The following HPGD variants were observed in gnomAD, a reference collection of about 807,000 sequenced individuals.
HPGD encodes the protein 15-hydroxyprostaglandin dehydrogenase.
HPGD carries 29 observed loss-of-function variants against 30.0 expected under a neutral mutation model. The observed-to-expected ratio is 0.97, with a 90% CI of 0.72 to 1.32. The LOEUF (loss-of-function observed/expected upper bound fraction) is 1.32, where lower values mean the gene tolerates loss of function less well. Among genes scored for constraint, HPGD ranks in the 40% most tolerant of loss-of-function variants. HPGD has a pLI of 0.00. For missense variants in HPGD, 340 were observed against 322.1 expected (o/e 1.06, Z -0.43); for synonymous variants, 99 against 112.4 (o/e 0.88, Z 0.75).
intron 2 of HPGD, 127 bp from the exon 3 acceptor site, chr4:174,518,204 C>G: frequency 1.7e-6 from 1 of 583,626 alleles, no homozygotes. Flanking sequence ...AACTCATGGG[C>G]TGAGTGTAAT....
At chr4:174,508,896 C>T in intron 3 of HPGD, 104 bp from the exon 4 acceptor site, 1 of 747,368 alleles carries the variant, frequency 1.3e-6, no homozygotes, top group Non-Finnish European at 2.4e-6. Flanking sequence ...AGGGAGATTT[C>T]TGCAAATATT....
upstream of HPGD, chr4:174,522,558 C>T (rs1736218155): frequency 5.5e-6 from 4 of 728,406 alleles, no homozygotes; most frequent in Admixed American, 3.9e-5. Context: ...CGGGGCGCTC[C>T]CCTGCCAGTG....
At chr4:174,493,959 A>G (rs1221073386) in intron 5 of HPGD, among the ~76,000 whole-genome samples, 3 of 152,206 alleles carry the variant, frequency 2.0e-5, no homozygotes, top group African/African-American at 7.2e-5. Flanking sequence ...GTGGACATGC[A>G]CAGGGCAGTG....
At chr4:174,518,249 T>TAGA (rs1347120768) in intron 2 of HPGD, among the ~76,000 whole-genome samples, 172 bp from the exon 3 acceptor site, 1 of 152,208 alleles carries the variant, frequency 6.6e-6, no homozygotes, top group Non-Finnish European at 1.5e-5. Context: ...GTTTGTGGAC[T>TAGA]AGAAGCATCA....
intron 1 of HPGD, 30 bp from the exon 2 acceptor site, chr4:174,522,097 C>T (rs1321420072): frequency 6.2e-7 from 1 of 1,613,960 alleles, no homozygotes; most frequent in Non-Finnish European, 8.5e-7. Flanking sequence ...AATCGCGGGC[C>T]TGCGCAGCTC....
At chr4:174,500,328 G>T (rs1045999269) in intron 4 of HPGD, among the ~76,000 whole-genome samples, 4 of 152,226 alleles carry the variant, frequency 2.6e-5, no homozygotes, top group African/African-American at 9.6e-5. Flanking sequence ...AAATGGCACA[G>T]CCACTTTGGA....
Position 174,492,132 on chromosome 4 carries a change from T to A in HPGD, c.663-38A>T, listed in dbSNP as rs776403322. ...AAAACAGTATTTTGAAACGAAAGAA[T>A]GAGGCATATTACCACTTCATTTTAA... On this transcript the variant is annotated intron_variant, in intron 6 of 6. Transcript: ENST00000296522. The surrounding 1 kb of genome is among the most constrained non-coding windows in gnomAD (Gnocchi z 4.9). The A allele has an allele frequency of 6.3e-7, 1 of 1,576,874 alleles. No individual in the cohort carries two copies. The highest frequency in any genetic ancestry group is 1.1e-5 in the South Asian group (1 of 90,248).
At chr4:174,500,540 C>T (rs1377494378) in intron 4 of HPGD, among the ~76,000 whole-genome samples, 4 of 152,112 alleles carry the variant, frequency 2.6e-5, no homozygotes, top group African/African-American at 7.2e-5. Context: ...GTGGTATATT[C>T]AGATAATGGA....
upstream of HPGD, chr4:174,522,629 C>A (rs1736225690): frequency 2.0e-6 from 1 of 499,138 alleles, no homozygotes; most frequent in Non-Finnish European, 3.5e-6. Context: ...GTCACCTGCC[C>A]CCTGAGCGTT....
intron 4 of HPGD, among the ~76,000 whole-genome samples, chr4:174,498,410 T>C (rs1217633731): frequency 1.3e-5 from 2 of 152,172 alleles, no homozygotes; most frequent in East Asian, 3.9e-4. Context: ...TTTTGACATA[T>C]GTATATACCA....
chr4:174,511,229 A>G (rs1735475052), intron 3 of HPGD, among the ~76,000 whole-genome samples: 1 of 147,368 alleles, frequency 6.8e-6, no homozygotes, highest in South Asian at 2.2e-4. Context: ...AAAAAAAAAA[A>G]TGACTAGCAA....
chr4:174,502,137 C>G (rs1560979723), intron 4 of HPGD, among the ~76,000 whole-genome samples: 1 of 152,150 alleles, frequency 6.6e-6, no homozygotes, highest in Admixed American at 6.5e-5. Context: ...TTCTTTACAA[C>G]CAACAACAAC....
chr4:174,522,545 C>G (rs1025424253), upstream of HPGD: 2 of 866,928 alleles, frequency 2.3e-6, no homozygotes, highest in Admixed American at 3.8e-5. Flanking sequence ...GCGTGCAGCC[C>G]GGCGGGGCGC....
intron 3 of HPGD, among the ~76,000 whole-genome samples, chr4:174,509,910 CAA>C (rs565049366): frequency 6.7e-5 from 8 of 120,298 alleles, no homozygotes; most frequent in South Asian, 2.6e-4. Flanking sequence ...AAATCACTAC[CAA>C]AAAAAAAAAA....
intron 3 of HPGD, among the ~76,000 whole-genome samples, chr4:174,510,873 T>G (rs1735454307): frequency 6.6e-6 from 1 of 152,156 alleles, no homozygotes; most frequent in Non-Finnish European, 1.5e-5. Flanking sequence ...ACTCCTGACC[T>G]CAACTAATCC....
chr4:174,511,009 T>C (rs1735462960), intron 3 of HPGD, among the ~76,000 whole-genome samples: 1 of 152,192 alleles, frequency 6.6e-6, no homozygotes, highest in Non-Finnish European at 1.5e-5. Flanking sequence ...GCAGTGGCAC[T>C]GTGCTGGATA....
At chr4:174,512,733 T>C (rs1388255565) in intron 3 of HPGD, among the ~76,000 whole-genome samples, 1 of 152,250 alleles carries the variant, frequency 6.6e-6, no homozygotes, top group African/African-American at 2.4e-5. Flanking sequence ...GTTTTCTTTA[T>C]GTAAACATAT....
chr4:174,493,732 C>T (rs1175434354), intron 5 of HPGD, among the ~76,000 whole-genome samples: 1 of 152,152 alleles, frequency 6.6e-6, no homozygotes, highest in Non-Finnish European at 1.5e-5. Flanking sequence ...TCTAAAGACA[C>T]TCTTAATAAT....
Position 174,495,644 on chromosome 4 carries a change from C to A in HPGD, c.422-20G>T. 6.4e-7 allele frequency: 1 copy of A among 1,566,326 alleles called. No individual in the cohort carries two copies. The highest frequency in any genetic ancestry group is 2.2e-5 in the East Asian group (1 of 44,644). On this transcript the variant is annotated intron_variant, in intron 4 of 6. Transcript: ENST00000296522. ...TGAGTCCTGAAACAGACAAATATAA[C>A]ATTTAAATGCTTTGATGAAAAAATA...
Sources: allele counts gnomAD v4.1 joint callset (sites outside exome capture counted in the v4.1 genomes callset), GRCh38; gene constraint gnomAD v4.1.1; non-coding constraint Gnocchi (gnomAD v3.1); transcripts MANE v1.5; gene names NCBI Gene and HGNC (gene_info 2026-07-23, HGNC 2026-07-21).